The following FGF14 variants were observed in gnomAD, a reference collection of about 807,000 sequenced individuals.
The protein encoded by FGF14 is fibroblast growth factor 14, also known as fibroblast growth factor homologous factor 4.
In FGF14, 5 loss-of-function variants were observed where a neutral mutation model predicts 25.5. That is an observed-to-expected ratio of 0.20 (90% CI 0.10 to 0.41). FGF14 has a LOEUF of 0.41. Ranked by LOEUF, FGF14 falls within the 10% of genes least tolerant of loss-of-function variation. The pLI is 1.00. For synonymous variants in FGF14, 138 were observed against 118.3 expected, an observed-to-expected ratio of 1.17 and a Z score of -1.08; for missense variants, 222 against 320.1, an observed-to-expected ratio of 0.69 and a Z score of 2.34.
intron 1 of FGF14, among the ~76,000 whole-genome samples, chr13:101,952,345 G>C (rs930869426): frequency 7.9e-5 from 12 of 151,574 alleles, no homozygotes; most frequent in Non-Finnish European, 1.2e-4. Flanking sequence ...TTAAAATGAG[G>C]ACTTCTCTAG....
intron 3 of FGF14, among the ~76,000 whole-genome samples, chr13:101,743,642 T>A (rs1269428570): frequency 6.6e-6 from 1 of 152,190 alleles, no homozygotes; most frequent in East Asian, 1.9e-4. Flanking sequence ...AGTGATAGAA[T>A]GTTCAGATAA....
In FGF14 at chr13:102,215,754, T is replaced by C. The variant is rs915351621; in HGVS notation, c.208+185717A>G. ...CCTGAGATAATATGCTTTTCAAAAG[T>C]AGACTGTGAGTTTTTGAATCATCTG... On this transcript the variant is annotated intron_variant, in intron 1 of 4. Coordinates refer to the FGF14 transcript ENST00000376131. Among the ~76,000 whole-genome samples the C allele has an allele frequency of 2.0e-5, 3 of 152,228 alleles. No homozygotes were observed. In the East Asian group the frequency reaches 5.8e-4, roughly 29 times the overall value.
intron 1 of FGF14, among the ~76,000 whole-genome samples, chr13:101,988,712 G>A (rs199594493): frequency 7.4e-6 from 1 of 135,430 alleles, no homozygotes; most frequent in Non-Finnish European, 1.6e-5. Flanking sequence ...GTTGTGGGGT[G>A]GGGGGGAGGG....
chr13:102,324,498 T>A (rs776980550), intron 1 of FGF14, among the ~76,000 whole-genome samples: 4 of 152,178 alleles, frequency 2.6e-5, no homozygotes, highest in Non-Finnish European at 5.9e-5. Context: ...TCATAAACAA[T>A]ACCTAGCTTT....
At chr13:101,802,270 A>G (rs1002269793) in intron 3 of FGF14, 3 of 232,266 alleles carry the variant, frequency 1.3e-5, no homozygotes, top group South Asian at 1.2e-4. Context: ...AGGACAAAGC[A>G]GACTGACATC....
chr13:102,347,115 T>C (rs1019014287), intron 1 of FGF14, among the ~76,000 whole-genome samples: 1 of 152,196 alleles, frequency 6.6e-6, no homozygotes, highest in Non-Finnish European at 1.5e-5. Flanking sequence ...TGCATGACCA[T>C]GGCCAGTTAA....
At chr13:101,829,478 C>T (rs1176346631) in intron 3 of FGF14, among the ~76,000 whole-genome samples, 2 of 152,024 alleles carry the variant, frequency 1.3e-5, no homozygotes, top group African/African-American at 4.8e-5. Flanking sequence ...TGCTTTTGTA[C>T]CACCTAAGAA....
intron 1 of FGF14, among the ~76,000 whole-genome samples, chr13:101,891,501 G>A (rs1296597211): frequency 6.6e-6 from 1 of 152,066 alleles, no homozygotes; most frequent in Admixed American, 6.6e-5. Context: ...CACCATGCTG[G>A]TTGTAATAAC....
intron 3 of FGF14, among the ~76,000 whole-genome samples, chr13:101,783,239 A>G (rs1484749091): frequency 6.6e-6 from 1 of 152,034 alleles, no homozygotes; most frequent in Non-Finnish European, 1.5e-5. Context: ...TGGGAGGCTG[A>G]GGCGGGTGGA....
chr13:101,786,773 G>T (rs966730015), intron 3 of FGF14, among the ~76,000 whole-genome samples: 2 of 152,156 alleles, frequency 1.3e-5, no homozygotes, highest in Non-Finnish European at 2.9e-5. Context: ...AACCCATAAA[G>T]CTTTTCTTTT....
chr13:102,256,961 C>G (rs1185816260), intron 1 of FGF14, among the ~76,000 whole-genome samples: 2 of 152,142 alleles, frequency 1.3e-5, no homozygotes, highest in Non-Finnish European at 2.9e-5. Context: ...CATCCATTTT[C>G]CTTCACTTTT....
intron 3 of FGF14, among the ~76,000 whole-genome samples, chr13:101,834,781 T>C (rs2042842317): frequency 6.6e-6 from 1 of 152,062 alleles, no homozygotes; most frequent in Non-Finnish European, 1.5e-5. Flanking sequence ...TAAATGTATA[T>C]GAATGAGAGT....
At chr13:101,767,351 C>T (rs143611851) in intron 3 of FGF14, among the ~76,000 whole-genome samples, 11 of 152,012 alleles carry the variant, frequency 7.2e-5, no homozygotes, top group South Asian at 2.1e-4. Context: ...TGGTGTGATA[C>T]GAGATCATTC....
rs537064634 is a variant in FGF14, at chr13:102,251,987, T to C, written c.208+149484A>G. Among the ~76,000 whole-genome samples, 18 of 152,288 alleles carry C rather than the reference T, an allele frequency of 1.2e-4. No individual in the cohort carries two copies. The South Asian group carries it at 3.3e-3, about 28-fold the overall frequency. ...GGCTATGACCCACAAATGGATAAAA[T>C]TAATTATGAGCATAATGCTGTACCA... On this transcript the variant is annotated intron_variant, in intron 1 of 4. Transcript: ENST00000376131.
At chr13:102,120,893 G>A (rs541965502) in intron 1 of FGF14, among the ~76,000 whole-genome samples, 2 of 152,082 alleles carry the variant, frequency 1.3e-5, no homozygotes, top group Middle Eastern at 3.4e-3. Flanking sequence ...TAGTAGAGAC[G>A]GGGTTTCACC....
At chr13:102,023,032 A>C (rs1248101813) in intron 1 of FGF14, among the ~76,000 whole-genome samples, 1 of 131,920 alleles carries the variant, frequency 7.6e-6, no homozygotes, top group Non-Finnish European at 1.6e-5. Context: ...AAAAGTAGTA[A>C]AATATTTTCG....
intron 1 of FGF14, among the ~76,000 whole-genome samples, chr13:102,284,731 A>G (rs1342552081): frequency 2.6e-5 from 4 of 152,212 alleles, no homozygotes; most frequent in African/African-American, 9.6e-5. Flanking sequence ...CAGGAATATC[A>G]AACATAAATG....
chr13:101,901,244 T>C (rs1225426830), intron 1 of FGF14, among the ~76,000 whole-genome samples: 1 of 152,150 alleles, frequency 6.6e-6, no homozygotes, highest in Non-Finnish European at 1.5e-5. Context: ...ATAGCAACAT[T>C]TGCGAGAAAG....
intron 1 of FGF14, among the ~76,000 whole-genome samples, chr13:102,211,259 A>G (rs2050146537): frequency 6.6e-6 from 1 of 152,058 alleles, no homozygotes; most frequent in Non-Finnish European, 1.5e-5. Flanking sequence ...AAATCCCTAT[A>G]TCTATTTTCA....
Sources: gnomAD v4.1 joint callset for allele counts (sites outside exome capture counted in the v4.1 genomes callset) on GRCh38, gnomAD v4.1.1 for gene constraint, MANE v1.5 for transcripts, NCBI Gene and HGNC (gene_info 2026-07-23, HGNC 2026-07-21) for gene names.